Variants in GLB1 observed in about 807,000 individuals in gnomAD.
GLB1 encodes the protein galactosidase beta 1.
A neutral mutation model predicts 74.0 loss-of-function variants in GLB1; 56 were observed. The ratio of observed to expected loss-of-function variants is 0.76; its 90% CI spans 0.61 to 0.94. The LOEUF (loss-of-function observed/expected upper bound fraction) is 0.94, where lower values mean the gene tolerates loss of function less well. Among genes scored for constraint, GLB1 ranks in the 40% least tolerant of loss-of-function variants. GLB1 has a pLI of 0.00. For missense variants in GLB1, 787 were observed against 845.5 expected, an observed-to-expected ratio of 0.93 and a Z score of 0.86; for synonymous variants, 323 against 323.6, an observed-to-expected ratio of 1.00 and a Z score of 0.02.
At chr3:33,002,538 A>C (rs1696623246) in intron 15 of GLB1, among the ~76,000 whole-genome samples, 1 of 152,080 alleles carries the variant, frequency 6.6e-6, no homozygotes, top group Non-Finnish European at 1.5e-5. Flanking sequence ...GGAGGTATGC[A>C]CGTGTTGTTG....
Position 33,069,029 on chromosome 3 carries a change from G to C in GLB1, c.246-59C>G, listed in dbSNP as rs370395926. ...TTGGCAGAGTCAAGAAGAAAGAAGC[G>C]TGGGGAAAGGGCCTCATTAGGACTA... is the stretch of plus-strand genomic sequence containing the variant. On this transcript the variant is annotated intron_variant, in intron 2 of 15. Transcript: ENST00000307363. The C allele has an allele frequency of 8.7e-6, 14 of 1,613,556 alleles. No individual in the cohort carries two copies. The Admixed American group carries it at 1.7e-4, about 19-fold the overall frequency.
intron 1 of GLB1, chr3:33,092,725 G>C: frequency 2.7e-6 from 4 of 1,490,886 alleles, no homozygotes; most frequent in Middle Eastern, 2.5e-4. Context: ...AGGGTGTGTA[G>C]GCAAGGATGA....
At chr3:33,096,252 G>A (rs538890356) in intron 1 of GLB1, 2 of 365,500 alleles carry the variant, frequency 5.5e-6, no homozygotes, top group Admixed American at 1.3e-4. Flanking sequence ...CAGCGCTTTG[G>A]AGCCCCTCAG....
intron 10 of GLB1, among the ~76,000 whole-genome samples, chr3:33,039,134 A>T (rs1269802553): frequency 1.3e-5 from 2 of 151,918 alleles, no homozygotes; most frequent in Non-Finnish European, 2.9e-5. Flanking sequence ...TACTAAAACT[A>T]TGAAAATCAG....
At position 33,072,708 on chromosome 3, in the gene GLB1, G is replaced by A. The variant is rs147139842; in HGVS notation, c.81C>T (p.Ala27=). 1 of 1,614,124 alleles carries A rather than the reference G, an allele frequency of 6.2e-7. No individual in the cohort carries two copies. The highest frequency in any genetic ancestry group is 8.5e-7 in the Non-Finnish European group (1 of 1,180,036). Residue 27 remains alanine (A), a synonymous_variant, in exon 2 of 16, where the codon GCC becomes GCT. Transcript: ENST00000307363. ...LLGPTRGLRN[A]TQRMFEIDYS... is the part of the protein sequence containing the mutation. ...AGTCAATTTCAAACATCCTCTGGGTGGCATTCTACAGAGCAAGGATGGGGT... is the reference window on the plus strand; with the variant it reads ...AGTCAATTTCAAACATCCTCTGGGTAGCATTCTACAGAGCAAGGATGGGGT...
In GLB1 at chr3:33,091,647, T is replaced by C. The variant is rs139154601; in HGVS notation, c.75+5364A>G. 36 of 984,642 alleles carry C rather than the reference T, an allele frequency of 3.7e-5. No homozygotes were observed. In the African/African-American group the frequency reaches 5.8e-4, roughly 16 times the overall value. The allele number at this position is 984,642 out of a possible 1,614,324, so 61.0% of individuals were successfully genotyped here. A position where few individuals can be genotyped will look rare whatever the true frequency, so the allele number is the denominator to read the frequency against. ...ACAATCTTGAGGTAGATACGATAATTATCCCCATTTTAGGGTTGATGGAAA... is the reference window on the plus strand; with the variant it reads ...ACAATCTTGAGGTAGATACGATAATCATCCCCATTTTAGGGTTGATGGAAA... On this transcript the variant is annotated intron_variant, in intron 1 of 15. Coordinates refer to ENST00000307363, the MANE Select transcript of GLB1 (RefSeq NM_000404.4).
chr3:33,027,314 G>A (rs1465978046), intron 10 of GLB1, among the ~76,000 whole-genome samples: 1 of 152,256 alleles, frequency 6.6e-6, no homozygotes, highest in African/African-American at 2.4e-5. Context: ...CGTGCACAGT[G>A]GCTCAACCCC....
the GLB1 span, among the ~76,000 whole-genome samples, chr3:32,962,678 G>A: frequency 6.6e-6 from 1 of 151,814 alleles, no homozygotes; most frequent in South Asian, 2.1e-4. Context: ...ACAATCAGGA[G>A]ATGTGGGATA....
intron 3 of GLB1, 29 bp from the exon 4 acceptor site, chr3:33,068,319 T>C (rs1429407751): frequency 2.5e-6 from 4 of 1,613,872 alleles, no homozygotes; most frequent in Non-Finnish European, 1.7e-6. Flanking sequence ...GCCATTATAA[T>C]GTCTGTTCCG....
At chr3:33,051,234 A>G (rs1348122527) in intron 9 of GLB1, among the ~76,000 whole-genome samples, 1 of 60,364 alleles carries the variant, frequency 1.7e-5, no homozygotes, top group East Asian at 9.4e-4. Flanking sequence ...ACTGCGTCTC[A>G]AAAAAAAAAA....
chr3:33,022,158 T>C (rs1697516017), intron 11 of GLB1, among the ~76,000 whole-genome samples: 1 of 152,220 alleles, frequency 6.6e-6, no homozygotes, highest in Non-Finnish European at 1.5e-5. Flanking sequence ...GTATCACTTT[T>C]CAGTTGCTCA....
the GLB1 span, among the ~76,000 whole-genome samples, chr3:32,963,226 G>T: frequency 4.6e-5 from 7 of 151,890 alleles, no homozygotes; most frequent in African/African-American, 1.7e-4. Flanking sequence ...CAAATGTATT[G>T]GCATCTGGAA....
At chr3:33,047,263 G>A (rs1266746730) in intron 9 of GLB1, among the ~76,000 whole-genome samples, 1 of 152,234 alleles carries the variant, frequency 6.6e-6, no homozygotes, top group South Asian at 2.1e-4. Context: ...CACTGTGCAA[G>A]GGGCGGGGTC....
chr3:32,971,950 CCTCGAAGGCAAGAGGAA>C, the GLB1 span, among the ~76,000 whole-genome samples: 1 of 152,036 alleles, frequency 6.6e-6, no homozygotes, highest in Admixed American at 6.6e-5. Flanking sequence ...CTTTCTAATT[CCTCGAAGGCAAGAGGAA>C]CTCTTAAGAT....
chr3:32,986,145 C>T, the GLB1 span, among the ~76,000 whole-genome samples: 2 of 152,352 alleles, frequency 1.3e-5, no homozygotes, highest in Admixed American at 6.5e-5. Context: ...ATGGAAGCAG[C>T]GCCTCAGGCG....
At chr3:32,992,604 C>G (rs778485887), downstream of GLB1, among the ~76,000 whole-genome samples, 1 of 152,194 alleles carries the variant, frequency 6.6e-6, no homozygotes, top group South Asian at 2.1e-4. Context: ...TTCCCTTGCC[C>G]GAGACCATGC....
chr3:33,051,939 G>C lies in GLB1; in HGVS notation c.858C>G (p.Thr286=). ...CATAGAGGGAGGAAGCCACTGCTTC[G>C]GTCTTGATTGTGGAGTGAGGTTGGC... ...HWGQPHSTIK[T]EAVASSLYDI... is the part of the protein sequence containing the mutation. Residue 286 remains threonine (T), a synonymous_variant, in exon 8 of 16, where the codon ACC becomes ACG. Coordinates refer to ENST00000307363, the MANE Select transcript of GLB1 (RefSeq NM_000404.4). 1 of 1,614,194 alleles carries C rather than the reference G, an allele frequency of 6.2e-7. No individual in the cohort carries two copies.
At chr3:33,078,473 G>A (rs1005813878) in intron 1 of GLB1, among the ~76,000 whole-genome samples, 8 of 152,124 alleles carry the variant, frequency 5.3e-5, no homozygotes, top group African/African-American at 1.2e-4. Flanking sequence ...GATTTAACAC[G>A]AAGTACAGTC....
intron 4 of GLB1, among the ~76,000 whole-genome samples, chr3:33,067,580 T>A (rs1006505866): frequency 3.3e-5 from 5 of 152,194 alleles, no homozygotes; most frequent in African/African-American, 7.2e-5. Flanking sequence ...CATGCCTGAC[T>A]TGTCATTTTG....
Sources: allele counts gnomAD v4.1 joint callset (sites outside exome capture counted in the v4.1 genomes callset), GRCh38; gene constraint gnomAD v4.1.1; transcripts MANE v1.5; gene names NCBI Gene and HGNC (gene_info 2026-07-23, HGNC 2026-07-21).